RAI1: variants seen among roughly 807,000 people sequenced by gnomAD.
RAI1 encodes retinoic acid-induced protein 1.
RAI1 carries 9 observed loss-of-function variants against 123.8 expected under a neutral mutation model. That is an observed-to-expected ratio of 0.07 (90% CI 0.04 to 0.13). RAI1 has a LOEUF of 0.13. Ranked by LOEUF, RAI1 falls within the 10% of genes least tolerant of loss-of-function variation. The probability of loss-of-function intolerance (pLI) is 1.00; values close to 1 mark genes in which losing one functional copy is unlikely to be tolerated. For missense variants in RAI1, 2,256 were observed against 2,545.8 expected, an observed-to-expected ratio of 0.89 and a Z score of 2.45; for synonymous variants, 1,231 against 1,127.3, an observed-to-expected ratio of 1.09 and a Z score of -1.84.
In RAI1 at chr17:17,794,619, T is replaced by C; in HGVS notation, c.1671T>C (p.Ser557=). The stretch of plus-strand genomic sequence containing the variant: ...AGCCCGAGTCCGTGTCCACCTGTTC[T>C]GTGACCTCTCCTGACGACATGTCCA... ...KAKPESVSTC[S]VTSPDDMSTK... Residue 557 remains serine (S), a synonymous_variant, in exon 3 of 6, where the codon TCT becomes TCC. Coordinates refer to ENST00000353383, the MANE Select transcript of RAI1 (RefSeq NM_030665.4). 2 of 1,613,200 alleles carry C rather than the reference T, an allele frequency of 1.2e-6. No individual in the cohort carries two copies. Among genetic ancestry groups the C allele is most frequent in the Non-Finnish European group, 1.7e-6 (2 of 1,180,042 alleles).
chr17:17,807,265 G>A (rs965558425), intron 4 of RAI1, among the ~76,000 whole-genome samples: 5 of 139,792 alleles, frequency 3.6e-5, no homozygotes, highest in African/African-American at 1.0e-4. Context: ...GGGCGGGGGG[G>A]TGGGAGTGAG....
chr17:17,714,316 G>A lies in RAI1; in HGVS notation c.-148-9712G>A, dbSNP rs1462348643. Among the ~76,000 whole-genome samples the A allele has an allele frequency of 2.0e-5, 3 of 152,144 alleles. No homozygotes were observed. The highest frequency in any genetic ancestry group is 4.4e-5 in the Non-Finnish European group (3 of 68,030). ...GGACCAGCAGCCCAGAGCCTGTGTCGGTGGTCATTCAGCTCTCGGGACAAA... is the reference window on the plus strand; with the variant it reads ...GGACCAGCAGCCCAGAGCCTGTGTCAGTGGTCATTCAGCTCTCGGGACAAA... On this transcript the variant is annotated intron_variant, in intron 1 of 5. Transcript: ENST00000353383. The surrounding 1 kb of genome is among the most constrained non-coding windows in gnomAD (Gnocchi z 4.9).
At chr17:17,739,939 G>A (rs777423815) in intron 2 of RAI1, among the ~76,000 whole-genome samples, 1 of 152,194 alleles carries the variant, frequency 6.6e-6, no homozygotes, top group Non-Finnish European at 1.5e-5. Context: ...ACATACAGCC[G>A]CTGAGCTAAC....
chr17:17,688,836 G>A (rs1914738680), intron 1 of RAI1, among the ~76,000 whole-genome samples: 1 of 152,144 alleles, frequency 6.6e-6, no homozygotes, highest in Non-Finnish European at 1.5e-5. Flanking sequence ...CTGACCTCAT[G>A]ATCCGCCTGC....
In RAI1 at chr17:17,714,539, G is replaced by T. The variant is rs892842463; in HGVS notation, c.-148-9489G>T. Among the ~76,000 whole-genome samples the T allele has an allele frequency of 6.6e-6, 1 of 152,172 alleles. No homozygotes were observed. The highest frequency in any genetic ancestry group is 2.4e-5 in the African/African-American group (1 of 41,436). On this transcript the variant is annotated intron_variant, in intron 1 of 5. Transcript: ENST00000353383. The surrounding 1 kb of genome is among the most constrained non-coding windows in gnomAD (Gnocchi z 4.9). ...TGTGGCGTGGCCAACTCTGAGTGACGTTTATGCACTCATTTCTATTTATCA... is the reference window on the plus strand; with the variant it reads ...TGTGGCGTGGCCAACTCTGAGTGACTTTTATGCACTCATTTCTATTTATCA...
At chr17:17,734,031 G>A (rs1916348792) in intron 2 of RAI1, among the ~76,000 whole-genome samples, 1 of 152,122 alleles carries the variant, frequency 6.6e-6, no homozygotes, top group South Asian at 2.1e-4. Context: ...TGAGGATCTT[G>A]GTTCCTAGAG....
intron 2 of RAI1, among the ~76,000 whole-genome samples, chr17:17,783,508 T>G (rs2031695590): frequency 6.6e-6 from 1 of 152,106 alleles, no homozygotes; most frequent in African/African-American, 2.4e-5. Flanking sequence ...GCTCTGCCTT[T>G]GTCTTACACG....
At chr17:17,804,361 A>G (rs1005297905) in intron 4 of RAI1, among the ~76,000 whole-genome samples, 1 of 152,176 alleles carries the variant, frequency 6.6e-6, no homozygotes, top group African/African-American at 2.4e-5. Flanking sequence ...AGGTAGGCCC[A>G]GGCTCCCCGC....
chr17:17,686,584 TGTGTGTGTGTGTGTGTGTGTGTGTGC>T (rs1914643114), intron 1 of RAI1, among the ~76,000 whole-genome samples: 1 of 144,570 alleles, frequency 6.9e-6, no homozygotes, highest in African/African-American at 2.7e-5. Context: ...TGTGTGTGTG[TGTGTGTGTGTGTGTGTGTGTGTGTGC>T]ACGCGCGCGC....
rs2067278130 is a variant in RAI1, at chr17:17,809,224, G to GTGGAC, written c.5660-162_5660-161insCTGGA. The GTGGAC allele has an allele frequency of 1.1e-5, 8 of 742,270 alleles. No individual in the cohort carries two copies. Among genetic ancestry groups the GTGGAC allele is most frequent in the Non-Finnish European group, 1.7e-5 (7 of 408,746 alleles). 46.0% of individuals were successfully genotyped at this position (742,270 alleles called of 1,614,324 possible). On this transcript the variant is annotated intron_variant, in intron 4 of 5. Coordinates refer to ENST00000353383, the MANE Select transcript of RAI1 (RefSeq NM_030665.4). This position sits in a 1 kb window ranked among gnomAD's most constrained non-coding sequence, Gnocchi z 4.9. ...GGCCGCACCCGCGCCGTGGAGTGGA[G>GTGGAC]TGGAGTGTGGAGGGTTTTGTGCAGA...
intron 1 of RAI1, among the ~76,000 whole-genome samples, chr17:17,699,825 C>T (rs982419554): frequency 2.6e-5 from 4 of 152,200 alleles, no homozygotes; most frequent in Non-Finnish European, 2.9e-5. Context: ...CACCACTCCA[C>T]CCCACCCTGT....
At chr17:17,752,505 G>A (rs1452564389) in intron 2 of RAI1, among the ~76,000 whole-genome samples, 1 of 152,190 alleles carries the variant, frequency 6.6e-6, no homozygotes, top group South Asian at 2.1e-4. Context: ...CCTGGGATAG[G>A]GGTGAGTGCT....
chr17:17,740,392 G>A (rs990227276), intron 2 of RAI1, among the ~76,000 whole-genome samples: 43 of 152,328 alleles, frequency 2.8e-4, no homozygotes, highest in African/African-American at 9.6e-4. Flanking sequence ...CCCTAACACA[G>A]CCACCTCTGG....
chr17:17,805,628 A>G (rs944594845), intron 4 of RAI1, among the ~76,000 whole-genome samples: 8 of 152,182 alleles, frequency 5.3e-5, no homozygotes, highest in East Asian at 1.9e-4. Flanking sequence ...AGCCCAGCCA[A>G]GCTGCCCCAG....
intron 1 of RAI1, among the ~76,000 whole-genome samples, chr17:17,686,871 C>T (rs1003810484): frequency 1.3e-5 from 2 of 152,064 alleles, no homozygotes; most frequent in African/African-American, 4.8e-5. Context: ...CAGCAGACAA[C>T]CCTAAGTGTT....
At chr17:17,807,098 G>A (rs911354158) in intron 4 of RAI1, among the ~76,000 whole-genome samples, 2 of 152,188 alleles carry the variant, frequency 1.3e-5, no homozygotes, top group African/African-American at 2.4e-5. Flanking sequence ...CCATGGAACA[G>A]CTGGCTGAGG....
At chr17:17,786,988 C>A (rs1162232313) in intron 2 of RAI1, among the ~76,000 whole-genome samples, 1 of 152,210 alleles carries the variant, frequency 6.6e-6, no homozygotes, top group African/African-American at 2.4e-5. Flanking sequence ...TTGTGGTGAG[C>A]CCAGATCGCG....
At chr17:17,699,315 C>CA (rs1915138113) in intron 1 of RAI1, among the ~76,000 whole-genome samples, 1 of 152,224 alleles carries the variant, frequency 6.6e-6, no homozygotes, top group African/African-American at 2.4e-5. Context: ...CGCCTGGAGC[C>CA]AAGCACAGCA....
intron 2 of RAI1, among the ~76,000 whole-genome samples, chr17:17,728,922 C>G (rs1379188830): frequency 6.6e-6 from 1 of 152,152 alleles, no homozygotes; most frequent in Non-Finnish European, 1.5e-5. Flanking sequence ...GAGGCTGGGG[C>G]CTACCATGAC....
Sources: allele counts gnomAD v4.1 joint callset (sites outside exome capture counted in the v4.1 genomes callset), GRCh38; gene constraint gnomAD v4.1.1; non-coding constraint Gnocchi (gnomAD v3.1); transcripts MANE v1.5; gene names NCBI Gene and HGNC (gene_info 2026-07-23, HGNC 2026-07-21).